Variants in ABCC12 observed in about 807,000 individuals in gnomAD.
ABCC12 encodes the protein ATP binding cassette subfamily C member 12.
A neutral mutation model predicts 151.1 loss-of-function variants in ABCC12; 142 were observed. The ratio of observed to expected loss-of-function variants is 0.94; its 90% CI spans 0.82 to 1.08. ABCC12 has a LOEUF of 1.08. Among genes scored for constraint, ABCC12 ranks in the 50% least tolerant of loss-of-function variants. The probability of loss-of-function intolerance (pLI) is 0.00; values close to 1 mark genes in which losing one functional copy is unlikely to be tolerated. For synonymous variants in ABCC12, 645 were observed against 646.4 expected, an observed-to-expected ratio of 1.00 and a Z score of 0.03; for missense variants, 1,638 against 1,691.1, an observed-to-expected ratio of 0.97 and a Z score of 0.55.
chr16:48,124,079 A>C lies in ABCC12; in HGVS notation c.1587+134T>G, dbSNP rs750223358. 3.0e-6 allele frequency: 3 copies of C among 1,014,296 alleles called. No homozygotes were observed. In the Admixed American group the frequency reaches 5.6e-5, roughly 19 times the overall value. 62.8% of individuals were successfully genotyped at this position (1,014,296 alleles called of 1,614,324 possible). A position where few individuals can be genotyped will look rare whatever the true frequency, so the allele number is the denominator to read the frequency against. Reference sequence around the variant, plus strand: ...GAGCTGCTGCGTGCATTAACCTCCCAAAAATTATTGTGAACCACATGCACA... The same window carrying C: ...GAGCTGCTGCGTGCATTAACCTCCCCAAAATTATTGTGAACCACATGCACA... On this transcript the variant is annotated intron_variant, in intron 12 of 30. Coordinates refer to ENST00000311303, the MANE Select transcript of ABCC12 (RefSeq NM_001393797.1).
intron 6 of ABCC12, among the ~76,000 whole-genome samples, chr16:48,139,870 G>A (rs951084973): frequency 2.6e-5 from 4 of 152,274 alleles, no homozygotes; most frequent in South Asian, 2.1e-4. Flanking sequence ...TGTCTGAAGC[G>A]TGGCTGGGAT....
At chr16:48,134,578 G>T (rs535867842) in intron 8 of ABCC12, among the ~76,000 whole-genome samples, 2 of 152,216 alleles carry the variant, frequency 1.3e-5, no homozygotes, top group Non-Finnish European at 2.9e-5. Flanking sequence ...ACAGAGCTCT[G>T]ACTGCAGTTT....
At chr16:48,145,118 T>A (rs1006097722) in intron 3 of ABCC12, among the ~76,000 whole-genome samples, 6 of 152,030 alleles carry the variant, frequency 3.9e-5, no homozygotes, top group Non-Finnish European at 7.4e-5. Context: ...CAGTTAGAGA[T>A]CTCCTGGGGC....
rs752762028 is a variant in ABCC12 at position 48,083,781 on chromosome 16, AG to A, written c.4013del (p.Pro1338LeufsTer16). 3.7e-6 allele frequency: 6 copies of A among 1,614,186 alleles called. No individual in the cohort carries two copies. Among genetic ancestry groups the A allele is most frequent in the Non-Finnish European group, 5.1e-6 (6 of 1,180,032 alleles). Reference protein sequence around the residue: ...ENGKVIEFDKPEVLAEKPDSA... With the variant: ...ENGKVIEFDKXEVLAEKPDSA... The stretch of plus-strand genomic sequence containing the variant: ...AATCTGGCTTCTCTGCAAGGACTTC[AG>A]GCTTGTCAAACTCAATCACCTGAAA... On this transcript the variant is annotated frameshift_variant, in exon 31 of 31. Transcript: ENST00000311303. LOFTEE classifies it high-confidence loss of function.
intron 2 of ABCC12, among the ~76,000 whole-genome samples, chr16:48,149,573 G>A (rs1488827641): frequency 6.6e-6 from 1 of 152,140 alleles, no homozygotes; most frequent in African/African-American, 2.4e-5. Context: ...TCTTATGATA[G>A]GGAATAATTT....
Position 48,115,735 on chromosome 16 carries a change from C to A in ABCC12, c.1786-117G>T, listed in dbSNP as rs1239630487. 4.6e-6 allele frequency: 5 copies of A among 1,093,330 alleles called. No individual in the cohort carries two copies. In the East Asian group the frequency reaches 1.3e-4, roughly 29 times the overall value. 67.7% of individuals were successfully genotyped at this position (1,093,330 alleles called of 1,614,324 possible). On this transcript the variant is annotated intron_variant, in intron 14 of 30. Transcript: ENST00000311303. Reference sequence around the variant, plus strand: ...GAAAGACGTACACACTGATCCTCGCCATATCCAAGTTCCTCCGCCCCTTAC... The same window carrying A: ...GAAAGACGTACACACTGATCCTCGCAATATCCAAGTTCCTCCGCCCCTTAC...
At chr16:48,111,343 G>C in intron 18 of ABCC12, 93 bp downstream of exon 18, 2 of 1,442,950 alleles carry the variant, frequency 1.4e-6, no homozygotes. Flanking sequence ...TGCCCAAAAT[G>C]ACATGCACAG....
intron 12 of ABCC12, among the ~76,000 whole-genome samples, chr16:48,123,761 T>C (rs1406043269): frequency 1.3e-5 from 2 of 152,212 alleles, no homozygotes; most frequent in African/African-American, 4.8e-5. Flanking sequence ...TCCCTCTTCC[T>C]ACCCCAAGGT....
At chr16:48,084,146 TAAAA>T (rs1370083904) in intron 29 of ABCC12, 73 bp from the exon 30 acceptor site, 2 of 1,413,820 alleles carry the variant, frequency 1.4e-6, no homozygotes, top group East Asian at 5.1e-5. Context: ...CTATTTACTT[TAAAA>T]AAAAGAAGAA....
chr16:48,152,929 A>G (rs180855369), intron 2 of ABCC12, among the ~76,000 whole-genome samples: 1 of 152,366 alleles, frequency 6.6e-6, no homozygotes, highest in East Asian at 1.9e-4. Context: ...ACAAGCCTGG[A>G]TTGGATGCTT....
At chr16:48,124,120 G>A (rs905430190) in intron 12 of ABCC12, 93 bp downstream of exon 12, 9 of 1,344,576 alleles carry the variant, frequency 6.7e-6, no homozygotes, top group South Asian at 3.5e-5. Context: ...CAGTGCAGCC[G>A]AGGCCATCTG....
chr16:48,115,598 G>C lies in ABCC12; in HGVS notation c.1806C>G (p.Asn602Lys), dbSNP rs775228799. 2 of 1,613,890 alleles carry C rather than the reference G, an allele frequency of 1.2e-6. No individual in the cohort carries two copies. Among genetic ancestry groups the C allele is most frequent in the Non-Finnish European group, 8.5e-7 (1 of 1,179,874 alleles). ...DLTEIGERGL[N>K]LSGGQRQRIS... ...TCCTCTGCCTCTGCCCCCCAGAGAG[G>C]TTGAGGCCCCGCTCCCCAATCTGTG... Residue 602 changes from asparagine (N) to lysine (K), a missense_variant, in exon 15 of 31, where the codon AAC becomes AAG. Transcript: ENST00000311303.
Position 48,108,575 on chromosome 16 carries a change from GGGCCCAGCGAGGTAGGCAC to G in ABCC12, c.2282-65_2282-47del, listed in dbSNP as rs930727380. The G allele has an allele frequency of 3.8e-6, 6 of 1,566,122 alleles. No homozygotes were observed. The Middle Eastern group carries it at 8.5e-4, about 222-fold the overall frequency. Reference sequence around the variant, plus strand: ...GCCATGGCTCTCACCACTGGGGTGGGGGCCCAGCGAGGTAGGCACGGCCCCTCCACAGACTCCACAACAC... The same window carrying G: ...GCCATGGCTCTCACCACTGGGGTGGGGGCCCCTCCACAGACTCCACAACAC... On this transcript the variant is annotated intron_variant, in intron 18 of 30. Transcript: ENST00000311303.
Position 48,081,579 on chromosome 16 carries a change from T to A in ABCC12, c.*2136A>T, listed in dbSNP as rs59721874. The stretch of plus-strand genomic sequence containing the variant: ...TCTGTAGATAAGTTACTAACCTCAG[T>A]GAGCCTCAAATCCCATCTCATGGGG... On this transcript the variant is annotated 3_prime_UTR_variant, in exon 31 of 31. Coordinates refer to ENST00000311303, the MANE Select transcript of ABCC12 (RefSeq NM_001393797.1). Among the ~76,000 whole-genome samples the A allele has an allele frequency of 0.025, 3,778 of 152,230 alleles. 162 individuals carry two copies. The highest frequency in any genetic ancestry group is 0.087 in the African/African-American group (3,618 of 41,512).
At chr16:48,099,020 G>C (rs368260744) in intron 23 of ABCC12, among the ~76,000 whole-genome samples, 24 of 152,300 alleles carry the variant, frequency 1.6e-4, no homozygotes, top group East Asian at 1.2e-3. Context: ...GTCCGGACTA[G>C]GTGCTGACTG....
At chr16:48,123,885 T>C (rs1425302728) in intron 12 of ABCC12, among the ~76,000 whole-genome samples, 1 of 152,234 alleles carries the variant, frequency 6.6e-6, no homozygotes, top group Non-Finnish European at 1.5e-5. Context: ...TGCTGGCATT[T>C]CTAAATCAGG....
rs1172701832 is a variant in ABCC12 at position 48,108,477 on chromosome 16, G to A, written c.2334C>T (p.Thr778=). Reference sequence around the variant, plus strand: ...TAATGTACGTGTGATATGTTTTCCAGGTCACGGTTCCTTCCTGGGGGGATT... The same window carrying A: ...TAATGTACGTGTGATATGTTTTCCAAGTCACGGTTCCTTCCTGGGGGGATT... The part of the protein sequence containing the change: ...QTESPQEGTV[T]WKTYHTYIKA... The change falls in exon 19 of 31, where the codon ACC becomes ACT. Residue 778 remains threonine, a synonymous_variant. Transcript: ENST00000311303. The A allele has an allele frequency of 1.9e-6, 3 of 1,614,158 alleles. No individual in the cohort carries two copies. The highest frequency in any genetic ancestry group is 2.5e-6 in the Non-Finnish European group (3 of 1,180,022).
chr16:48,083,634 G>A lies in ABCC12; in HGVS notation c.*81C>T. The A allele has an allele frequency of 1.4e-6, 2 of 1,432,270 alleles. No homozygotes were observed. The highest frequency in any genetic ancestry group is 1.2e-5 in the South Asian group (1 of 83,240). The allele number at this position is 1,432,270 out of a possible 1,614,324, so 88.7% of individuals were successfully genotyped here. ...GCTGAAGACCAGGGCTGCCTGCGGA[G>A]AGGACAGCCCCTCCTCCTGAAGACT... On this transcript the variant is annotated 3_prime_UTR_variant, in exon 31 of 31. Transcript: ENST00000311303.
intron 23 of ABCC12, among the ~76,000 whole-genome samples, chr16:48,098,475 T>TG (rs1408325281): frequency 6.6e-6 from 1 of 152,220 alleles, no homozygotes; most frequent in African/African-American, 2.4e-5. Flanking sequence ...CCAGCCGCCC[T>TG]GGGCTCTGCT....
Sources: allele counts gnomAD v4.1 joint callset (sites outside exome capture counted in the v4.1 genomes callset), GRCh38; gene constraint gnomAD v4.1.1; transcripts MANE v1.5; gene names NCBI Gene and HGNC (gene_info 2026-07-23, HGNC 2026-07-21).